The following ADAM12 variants were observed in gnomAD, a reference collection of about 807,000 sequenced individuals.
ADAM12 encodes the protein disintegrin and metalloproteinase domain-containing protein 12.
ADAM12 carries 70 observed loss-of-function variants against 106.4 expected under a neutral mutation model. The ratio of observed to expected loss-of-function variants is 0.66; its 90% CI spans 0.54 to 0.80. The LOEUF (loss-of-function observed/expected upper bound fraction) is 0.80. Among genes scored for constraint, ADAM12 ranks in the 30% least tolerant of loss-of-function variants. The pLI is 0.00. For missense variants in ADAM12, 1,010 were observed against 1,171.9 expected, an observed-to-expected ratio of 0.86 and a Z score of 2.02; for synonymous variants, 420 against 433.5, an observed-to-expected ratio of 0.97 and a Z score of 0.39.
At chr10:126,160,004 A>T (rs969879322) in intron 3 of ADAM12, among the ~76,000 whole-genome samples, 3 of 152,160 alleles carry the variant, frequency 2.0e-5, no homozygotes, top group Admixed American at 6.5e-5. Context: ...GCACTAAATG[A>T]TATGTTCCTT....
At position 126,032,630 on chromosome 10, in the gene ADAM12, TA is replaced by T. The variant is rs911800218; in HGVS notation, c.2529+3515del. On this transcript the variant is annotated intron_variant, in intron 21 of 22. Transcript: ENST00000448723. Reference sequence around the variant, plus strand: ...ACACAGGTGAGTTGCTTAAAATAAATAAAAAAGTTCAGGATGAGGGGTACAT... The same window carrying T: ...ACACAGGTGAGTTGCTTAAAATAAATAAAAAGTTCAGGATGAGGGGTACAT... 8.3e-4 allele frequency among the ~76,000 whole-genome samples: 126 copies of T among 152,058 alleles called. 1 individual carries two copies. Among genetic ancestry groups the T allele is most frequent in the African/African-American group, 2.9e-3 (119 of 41,380 alleles).
chr10:126,367,722 T>C (rs1446249783), intron 1 of ADAM12, among the ~76,000 whole-genome samples: 2 of 151,964 alleles, frequency 1.3e-5, no homozygotes, highest in African/African-American at 4.8e-5. Context: ...TTACAGATAA[T>C]ACAGGCATTA....
At chr10:126,091,611 GA>G (rs3837316) in intron 11 of ADAM12, among the ~76,000 whole-genome samples, 97,015 of 151,896 alleles carry the variant, frequency 0.64, 33,012 homozygotes, top group Non-Finnish European at 0.75. Flanking sequence ...GGTAATGGGG[GA>G]AAAAAAAGCC....
At chr10:126,213,996 C>G (rs551701140) in intron 3 of ADAM12, among the ~76,000 whole-genome samples, 1 of 152,114 alleles carries the variant, frequency 6.6e-6, no homozygotes, top group Non-Finnish European at 1.5e-5. Context: ...ATACTGATTA[C>G]AAAAGTACAA....
intron 14 of ADAM12, among the ~76,000 whole-genome samples, chr10:126,051,536 C>CCCATCCATCCATCCAT (rs61278142): frequency 2.5e-4 from 30 of 118,994 alleles, no homozygotes; most frequent in Non-Finnish European, 3.0e-4. Flanking sequence ...CAGCCAGCCA[C>CCCATCCATCCATCCAT]CCATCCATCC....
chr10:126,117,814 A>G lies in ADAM12; in HGVS notation c.603+224T>C, dbSNP rs560169966. On this transcript the variant is annotated intron_variant, in intron 6 of 22. Transcript: ENST00000448723. ...CCAACTGTGTGACTTTCCTCAGCATATTTTAATGAGTCTGAGACTGACATC... is the reference window on the plus strand; with the variant it reads ...CCAACTGTGTGACTTTCCTCAGCATGTTTTAATGAGTCTGAGACTGACATC... 9.3e-5 allele frequency among the ~76,000 whole-genome samples: 14 copies of G among 150,774 alleles called. No homozygotes were observed. In the South Asian group the frequency reaches 2.3e-3, roughly 25 times the overall value.
At chr10:126,020,488 A>G (rs10794055) in intron 21 of ADAM12, among the ~76,000 whole-genome samples, 86,643 of 151,918 alleles carry the variant, frequency 0.57, 26,528 homozygotes, top group Non-Finnish European at 0.68. Flanking sequence ...AGGTGGGGTT[A>G]TTCCACGCTA....
chr10:126,103,231 T>A (rs891344379), intron 8 of ADAM12, among the ~76,000 whole-genome samples: 1 of 152,196 alleles, frequency 6.6e-6, no homozygotes, highest in Non-Finnish European at 1.5e-5. Flanking sequence ...AGTAGTAATA[T>A]AACAGACAAC....
intron 1 of ADAM12, among the ~76,000 whole-genome samples, chr10:126,357,480 C>T (rs1296676973): frequency 1.3e-5 from 2 of 152,110 alleles, no homozygotes; most frequent in African/African-American, 4.8e-5. Flanking sequence ...AGCCTGATGG[C>T]TTTTCTAATA....
At chr10:126,055,818 A>C (rs930509386) in intron 14 of ADAM12, among the ~76,000 whole-genome samples, 28 of 152,254 alleles carry the variant, frequency 1.8e-4, no homozygotes, top group African/African-American at 6.8e-4. Context: ...TGAGGACGAC[A>C]GCTGCCTCAT....
At chr10:126,368,639 G>T (rs1855998968) in intron 1 of ADAM12, among the ~76,000 whole-genome samples, 1 of 142,624 alleles carries the variant, frequency 7.0e-6, no homozygotes, top group Non-Finnish European at 1.6e-5. Flanking sequence ...TCAGCCTGAT[G>T]TAAGTTTGTT....
intron 3 of ADAM12, among the ~76,000 whole-genome samples, chr10:126,253,619 C>T (rs547581957): frequency 5.3e-4 from 81 of 152,266 alleles, no homozygotes; most frequent in African/African-American, 1.9e-3. Context: ...AGGGGGAACA[C>T]CCACCCCCCA....
intron 6 of ADAM12, among the ~76,000 whole-genome samples, chr10:126,115,299 T>TAGAG (rs1237690022): frequency 1.3e-5 from 2 of 152,226 alleles, no homozygotes; most frequent in African/African-American, 4.8e-5. Flanking sequence ...TTACCATCTT[T>TAGAG]GCCTTGCTCA....
intron 2 of ADAM12, among the ~76,000 whole-genome samples, chr10:126,316,797 AAAAAG>A (rs1853893854): frequency 6.6e-6 from 1 of 151,782 alleles, no homozygotes; most frequent in Non-Finnish European, 1.5e-5. Flanking sequence ...AAAAAAAAAA[AAAAAG>A]AAAAGAAAAT....
intron 3 of ADAM12, among the ~76,000 whole-genome samples, chr10:126,220,790 A>G (rs1167182080): frequency 6.6e-6 from 1 of 152,228 alleles, no homozygotes; most frequent in African/African-American, 2.4e-5. Flanking sequence ...GTCACCTATT[A>G]GGAGCCGCTC....
chr10:126,326,167 T>C (rs1303571722), intron 2 of ADAM12, among the ~76,000 whole-genome samples: 1 of 151,936 alleles, frequency 6.6e-6, no homozygotes, highest in Admixed American at 6.6e-5. Flanking sequence ...CCCAAGTGGA[T>C]CTAAGCCTTG....
At chr10:126,244,791 A>G (rs948102337) in intron 3 of ADAM12, among the ~76,000 whole-genome samples, 1 of 152,212 alleles carries the variant, frequency 6.6e-6, no homozygotes. Flanking sequence ...AGAGGAAGGA[A>G]AATGCTACTT....
intron 11 of ADAM12, among the ~76,000 whole-genome samples, chr10:126,091,833 A>T (rs886866465): frequency 2.0e-5 from 3 of 152,182 alleles, no homozygotes; most frequent in Non-Finnish European, 4.4e-5. Flanking sequence ...AGTCTTCATC[A>T]TCTGTGCATT....
At chr10:126,278,190 AG>A in intron 3 of ADAM12, among the ~76,000 whole-genome samples, 1 of 152,332 alleles carries the variant, frequency 6.6e-6, no homozygotes, top group Non-Finnish European at 1.5e-5. Context: ...ATTGCTTATT[AG>A]AAGAACTAAT....
Sources: gnomAD v4.1 joint callset for allele counts (sites outside exome capture counted in the v4.1 genomes callset) on GRCh38, gnomAD v4.1.1 for gene constraint, MANE v1.5 for transcripts, NCBI Gene and HGNC (gene_info 2026-07-23, HGNC 2026-07-21) for gene names.